Variants in LRIG1 observed in about 807,000 individuals in gnomAD.
The protein encoded by LRIG1 is leucine rich repeats and immunoglobulin like domains 1, also known as leucine-rich repeats and immunoglobulin-like domains protein 1.
In LRIG1, 48 loss-of-function variants were observed where a neutral mutation model predicts 99.2. That is an observed-to-expected ratio of 0.48 (90% CI 0.38 to 0.62). The LOEUF (loss-of-function observed/expected upper bound fraction) is 0.62. Ranked by LOEUF, LRIG1 falls within the 20% of genes least tolerant of loss-of-function variation. The probability of loss-of-function intolerance (pLI) is 0.00; values close to 1 mark genes in which losing one functional copy is unlikely to be tolerated. For missense variants in LRIG1, 1,646 were observed against 1,434.4 expected (o/e 1.15, Z -2.38); for synonymous variants, 772 against 596.1 (o/e 1.29, Z -4.30).
chr3:66,498,723 T>C (rs957089749), intron 1 of LRIG1, among the ~76,000 whole-genome samples: 1 of 152,138 alleles, frequency 6.6e-6, no homozygotes, highest in African/African-American at 2.4e-5. Context: ...CTCAGTAAAT[T>C]CCACAGAAGA....
intron 3 of LRIG1, among the ~76,000 whole-genome samples, chr3:66,435,716 C>T (rs1476053379): frequency 6.6e-6 from 1 of 152,024 alleles, no homozygotes; most frequent in African/African-American, 2.4e-5. Context: ...TTATGAAAAG[C>T]TGTACAAGAT....
At chr3:66,486,371 A>AT (rs1337148094) in intron 1 of LRIG1, among the ~76,000 whole-genome samples, 1 of 152,132 alleles carries the variant, frequency 6.6e-6, no homozygotes, top group African/African-American at 2.4e-5. Flanking sequence ...CCTCTTAACC[A>AT]CCGTGCGTCA....
intron 1 of LRIG1, among the ~76,000 whole-genome samples, chr3:66,494,325 C>T (rs58776554): frequency 0.035 from 5,315 of 152,258 alleles, 308 homozygotes; most frequent in African/African-American, 0.12. Context: ...TTCACCGCCA[C>T]TCCTTAATGA....
At chr3:66,468,829 G>A (rs1700534001) in intron 1 of LRIG1, among the ~76,000 whole-genome samples, 1 of 152,172 alleles carries the variant, frequency 6.6e-6, no homozygotes, top group East Asian at 1.9e-4. Context: ...AATCCTTTAA[G>A]CTTTTAAGAC....
intron 15 of LRIG1, among the ~76,000 whole-genome samples, 194 bp from the exon 16 acceptor site, chr3:66,382,592 G>A (rs1701142950): frequency 6.6e-6 from 1 of 152,224 alleles, no homozygotes; most frequent in Admixed American, 6.5e-5. Context: ...CCAGCGTGAA[G>A]AGCGCAGCCA....
intron 1 of LRIG1, among the ~76,000 whole-genome samples, chr3:66,465,033 T>G (rs1167924954): frequency 6.6e-6 from 1 of 152,112 alleles, no homozygotes; most frequent in Non-Finnish European, 1.5e-5. Context: ...TCAGCTGGAA[T>G]TAACTAGAAA....
At chr3:66,394,324 G>T in intron 11 of LRIG1, 121 bp from the exon 12 acceptor site, 1 of 823,836 alleles carries the variant, frequency 1.2e-6, no homozygotes, top group Non-Finnish European at 1.9e-6. Flanking sequence ...CAAGCTGGAA[G>T]GGGGAAATGG....
At position 66,406,812 on chromosome 3, in the gene LRIG1, G is replaced by A. The variant is rs1702284998; in HGVS notation, c.1079+536C>T. 2.0e-5 allele frequency among the ~76,000 whole-genome samples: 3 copies of A among 152,320 alleles called. No individual in the cohort carries two copies. In the South Asian group the frequency reaches 6.2e-4, roughly 32 times the overall value. On this transcript the variant is annotated intron_variant, in intron 8 of 18. Coordinates refer to ENST00000273261, the MANE Select transcript of LRIG1 (RefSeq NM_015541.3). ...TTAACTGACCCCCGACGAGGTACAA[G>A]GAGAGACACAGGATTCCCTAAGTGC...
chr3:66,420,968 T>C (rs1351086316), intron 3 of LRIG1, among the ~76,000 whole-genome samples: 1 of 152,164 alleles, frequency 6.6e-6, no homozygotes, highest in Non-Finnish European at 1.5e-5. Flanking sequence ...ATGTCTTACA[T>C]GGATGGCAGC....
chr3:66,491,428 G>A (rs1388282507), intron 1 of LRIG1, among the ~76,000 whole-genome samples: 2 of 152,078 alleles, frequency 1.3e-5, no homozygotes, highest in South Asian at 2.1e-4. Flanking sequence ...TTCTGGCAGA[G>A]GACTAGCACA....
Position 66,500,517 on chromosome 3 carries a change from G to C in LRIG1, c.-110C>G, listed in dbSNP as rs866782970. 3.8e-6 allele frequency: 2 copies of C among 520,150 alleles called. No individual in the cohort carries two copies. Among genetic ancestry groups the C allele is most frequent in the South Asian group, 6.2e-5 (1 of 16,188 alleles). The allele number at this position is 520,150 out of a possible 1,614,324, so 32.2% of individuals were successfully genotyped here. On this transcript the variant is annotated 5_prime_UTR_variant, in exon 1 of 19. Coordinates refer to ENST00000273261, the MANE Select transcript of LRIG1 (RefSeq NM_015541.3). ...TCCGCTCGGCTCTAGACTCCGCACC[G>C]GGGCATGGCCCCCGCCCCAAGTTCT...
intron 2 of LRIG1, among the ~76,000 whole-genome samples, chr3:66,462,026 C>T (rs1700365950): frequency 6.6e-6 from 1 of 152,216 alleles, no homozygotes; most frequent in Admixed American, 6.5e-5. Flanking sequence ...GCGCAGATCA[C>T]ATGAGGCCAG....
Position 66,381,631 on chromosome 3 carries a change from C to T in LRIG1, c.2618G>A (p.Gly873Asp), listed in dbSNP as rs1341555507. The part of the protein sequence containing the change: ...PQANGHIESN[G>D]VCPRDASHFP... ...GTGGCTTGCATCTCTTGGACACACA[C>T]CTGCAAGTGGATTCCAACACGATTA... is the stretch of plus-strand genomic sequence containing the variant. Residue 873 changes from glycine (G) to aspartate (D), a missense_variant and splice_region_variant, in exon 17 of 19, where the codon GGT becomes GAT. Gly to Asp is a moderately conservative substitution (Grantham distance 94, BLOSUM62 -1). Coordinates refer to ENST00000273261, the MANE Select transcript of LRIG1 (RefSeq NM_015541.3). 1.2e-6 allele frequency: 2 copies of T among 1,612,070 alleles called. No homozygotes were observed. The highest frequency in any genetic ancestry group is 2.7e-5 in the African/African-American group (2 of 74,852).
rs1701335470 is a variant in LRIG1, at chr3:66,500,525, G to GC, written c.-119dup. On this transcript the variant is annotated 5_prime_UTR_variant, in exon 1 of 19. Transcript: ENST00000273261. ...GCTCTAGACTCCGCACCGGGGCATG[G>GC]CCCCCGCCCCAAGTTCTCTCTGCGG... The GC allele has an allele frequency of 6.2e-6, 3 of 485,260 alleles. No individual in the cohort carries two copies. The highest frequency in any genetic ancestry group is 7.5e-5 in the East Asian group (2 of 26,672). The allele number at this position is 485,260 out of a possible 1,614,324, so 30.1% of individuals were successfully genotyped here.
Position 66,407,365 on chromosome 3 carries a change from G to A in LRIG1, c.1062C>T (p.Leu354=). The stretch of plus-strand genomic sequence containing the variant: ...AGACGTACAAGACTCGCAGGCTCCT[G>A]AGTCCCTTGAAGGCACCCTCCGCAA... ...SHIAEGAFKG[L]RSLRVLDLDH... is the part of the protein sequence containing the mutation. The change falls in exon 8 of 19, where the codon CTC becomes CTT. Residue 354 remains leucine (L), a synonymous_variant. Coordinates refer to ENST00000273261, the MANE Select transcript of LRIG1 (RefSeq NM_015541.3). The A allele has an allele frequency of 6.2e-7, 1 of 1,614,082 alleles. No homozygotes were observed.
intron 1 of LRIG1, among the ~76,000 whole-genome samples, chr3:66,497,624 G>A (rs1320886325): frequency 7.2e-6 from 1 of 138,532 alleles, no homozygotes; most frequent in East Asian, 2.2e-4. Context: ...TATTCACACT[G>A]CATTTACATT....
intron 3 of LRIG1, among the ~76,000 whole-genome samples, chr3:66,445,193 C>G (rs1703674672): frequency 6.6e-6 from 1 of 151,864 alleles, no homozygotes; most frequent in Non-Finnish European, 1.5e-5. Flanking sequence ...ATTTTATTGC[C>G]AGAGCAATAA....
intron 3 of LRIG1, 60 bp from the exon 4 acceptor site, chr3:66,417,326 C>T: frequency 6.4e-7 from 1 of 1,558,806 alleles, no homozygotes; most frequent in Non-Finnish European, 8.8e-7. Flanking sequence ...CTACAAGAAA[C>T]TAGTATTCCT....
At chr3:66,389,330 G>C (rs561575827) in intron 12 of LRIG1, among the ~76,000 whole-genome samples, 24 of 152,074 alleles carry the variant, frequency 1.6e-4, no homozygotes, top group African/African-American at 5.8e-4. Flanking sequence ...AAAAAGATAG[G>C]ACACATAGAA....
Sources: allele counts gnomAD v4.1 joint callset (sites outside exome capture counted in the v4.1 genomes callset), GRCh38; gene constraint gnomAD v4.1.1; transcripts MANE v1.5; gene names NCBI Gene and HGNC (gene_info 2026-07-23, HGNC 2026-07-21).